Variants in SCN9A observed in about 807,000 individuals in gnomAD.
SCN9A encodes the protein sodium channel protein type 9 subunit alpha.
In SCN9A, 131 loss-of-function variants were observed where a neutral mutation model predicts 187.0. The ratio of observed to expected loss-of-function variants is 0.70; its 90% CI spans 0.61 to 0.81. SCN9A has a LOEUF of 0.81. SCN9A is among the 30% of genes least tolerant of loss of function. SCN9A has a pLI of 0.00. For missense variants in SCN9A, 2,252 were observed against 2,396.6 expected (o/e 0.94, Z 1.26); for synonymous variants, 809 against 808.6 (o/e 1.00, Z -0.01).
intron 1 of SCN9A, among the ~76,000 whole-genome samples, chr2:166,340,421 C>T (rs1016540839): frequency 6.6e-6 from 1 of 152,180 alleles, no homozygotes; most frequent in African/African-American, 2.4e-5. Context: ...TTTTAAAAAT[C>T]AGGCTTCTAA....
At chr2:166,221,818 G>A (rs946211491) in intron 24 of SCN9A, among the ~76,000 whole-genome samples, 6 of 152,064 alleles carry the variant, frequency 3.9e-5, no homozygotes, top group Admixed American at 3.3e-4. Flanking sequence ...ATAAACCCAT[G>A]CATAAATAGT....
In SCN9A at chr2:166,315,876, TTTTCA is replaced by T. The variant is rs112947029; in HGVS notation, c.-50-4075_-50-4071del. ...CTTCTGGATAAACAGGCCACAGGAG[TTTTCA>T]TTAGTCAGGCATTTAGTTTAAGATT... On this transcript the variant is annotated intron_variant, in intron 1 of 26. Coordinates refer to ENST00000642356, the MANE Select transcript of SCN9A (RefSeq NM_001365536.1). 3.5e-4 allele frequency among the ~76,000 whole-genome samples: 54 copies of T among 152,262 alleles called. 1 individual carries two copies. Among genetic ancestry groups the T allele is most frequent in the African/African-American group, 1.2e-3 (51 of 41,546 alleles).
rs753899025 is a variant in SCN9A, at chr2:166,204,352, T to A, written c.4503+8A>T. 4.4e-6 allele frequency: 7 copies of A among 1,595,496 alleles called. No individual in the cohort carries two copies. Among genetic ancestry groups the A allele is most frequent in the Middle Eastern group, 1.7e-4 (1 of 5,964 alleles). ...ATCTATATGCTAAAGATATATATAT[T>A]TTTTTACCCCTGGTCGAGGAATTGG... On this transcript the variant is annotated splice_region_variant and intron_variant, in intron 25 of 26. Coordinates refer to ENST00000642356, the MANE Select transcript of SCN9A (RefSeq NM_001365536.1).
intron 17 of SCN9A, among the ~76,000 whole-genome samples, chr2:166,263,095 G>T (rs1696583818): frequency 6.6e-6 from 1 of 151,908 alleles, no homozygotes. Flanking sequence ...AAGGTAAAGG[G>T]AGAGCCTGCA....
chr2:166,257,923 C>T (rs940628956), intron 17 of SCN9A, among the ~76,000 whole-genome samples: 1 of 151,422 alleles, frequency 6.6e-6, no homozygotes, highest in Non-Finnish European at 1.5e-5. Flanking sequence ...ATATCTTTTA[C>T]TTAGGCCACC....
At chr2:166,228,094 A>G (rs2106385800) in intron 22 of SCN9A, among the ~76,000 whole-genome samples, 1 of 152,202 alleles carries the variant, frequency 6.6e-6, no homozygotes, top group South Asian at 2.1e-4. Context: ...GTGAAGCAGG[A>G]AGTTCAAAAA....
At chr2:166,202,931 A>T (rs1693613452) in intron 26 of SCN9A, among the ~76,000 whole-genome samples, 1 of 151,680 alleles carries the variant, frequency 6.6e-6, no homozygotes, top group Admixed American at 6.6e-5. Flanking sequence ...CATTGTTTTT[A>T]TATATGTACC....
intron 21 of SCN9A, 114 bp downstream of exon 21, chr2:166,233,226 C>G (rs116398099): frequency 3.1e-6 from 2 of 651,968 alleles, no homozygotes; most frequent in East Asian, 6.7e-5. Context: ...CATACATAAA[C>G]AGCCTATGTA....
rs200025091 is a variant in SCN9A, at chr2:166,198,476, T to G, written c.*196A>C. ...AATTCCTACAGAGTTCTCTTACGAT[T>G]CTTAAAGAATCATCAGTGCAAAAAT... On this transcript the variant is annotated 3_prime_UTR_variant, in exon 27 of 27. Coordinates refer to ENST00000642356, the MANE Select transcript of SCN9A (RefSeq NM_001365536.1). 1 of 548,320 alleles carries G rather than the reference T, an allele frequency of 1.8e-6. No homozygotes were observed. 34.0% of individuals were successfully genotyped at this position (548,320 alleles called of 1,614,324 possible).
At chr2:166,256,035 C>A (rs1696258582) in intron 17 of SCN9A, among the ~76,000 whole-genome samples, 1 of 151,230 alleles carries the variant, frequency 6.6e-6, no homozygotes, top group South Asian at 2.1e-4. Context: ...AAGAAATCCA[C>A]ACATAGTTAC....
chr2:166,272,560 T>G lies in SCN9A; in HGVS notation c.3190A>C (p.Ser1064Arg). Reference protein sequence around the residue: ...KEKDKISGFGSSVDKHLMEDS... With the variant: ...KEKDKISGFGRSVDKHLMEDS... ...TCCATCAAGTGTTTGTCCACGCTGC[T>G]TCCAAAACCACTGATTTTATCTTTT... Residue 1064 changes from serine to arginine, a missense_variant, in exon 17 of 27, where the codon AGC (serine) becomes CGC (arginine). Ser to Arg is a moderately radical substitution (Grantham distance 110). This residue lies in a region of SCN9A where 313 missense variants were observed against 295.3 expected (regional missense o/e 1.06). Transcript: ENST00000642356. The G allele has an allele frequency of 6.2e-7, 1 of 1,613,554 alleles. No homozygotes were observed. The highest frequency in any genetic ancestry group is 8.5e-7 in the Non-Finnish European group (1 of 1,179,744).
intron 20 of SCN9A, among the ~76,000 whole-genome samples, chr2:166,235,465 G>A (rs745444331): frequency 2.6e-5 from 4 of 152,096 alleles, no homozygotes; most frequent in Admixed American, 6.6e-5. Flanking sequence ...AATAATATAA[G>A]TAGTTCTGAA....
At chr2:166,231,533 A>C (rs901061849) in intron 21 of SCN9A, among the ~76,000 whole-genome samples, 3 of 143,284 alleles carry the variant, frequency 2.1e-5, no homozygotes, top group African/African-American at 7.7e-5. Context: ...GTCTGGGGTG[A>C]GATCCAAGAA....
chr2:166,272,383 T>C lies in SCN9A; in HGVS notation c.3351+16A>G, dbSNP rs369823941. ...AATTGTTAATATGAAACACAAAGTA[T>C]ATGAAGCATTCTTACCACTTTGCTG... On this transcript the variant is annotated intron_variant, in intron 17 of 26. Transcript: ENST00000642356. 2.9e-5 allele frequency: 41 copies of C among 1,417,200 alleles called. No homozygotes were observed. Among genetic ancestry groups the C allele is most frequent in the Non-Finnish European group, 3.5e-5 (36 of 1,035,958 alleles). 87.8% of individuals were successfully genotyped at this position (1,417,200 alleles called of 1,614,324 possible).
intron 1 of SCN9A, among the ~76,000 whole-genome samples, chr2:166,370,235 A>AATAATCATC (rs1553507745): frequency 2.9e-5 from 4 of 137,180 alleles, no homozygotes; most frequent in East Asian, 2.1e-4. Flanking sequence ...TAATAATAAT[A>AATAATCATC]ATCATCATCA....
chr2:166,282,397 G>C (rs961285527), intron 12 of SCN9A, among the ~76,000 whole-genome samples: 4 of 152,182 alleles, frequency 2.6e-5, no homozygotes, highest in African/African-American at 9.7e-5. Flanking sequence ...GAGAATGCAA[G>C]CTACATCTGA....
At chr2:166,341,920 A>G (rs1296693804) in intron 1 of SCN9A, among the ~76,000 whole-genome samples, 2 of 152,200 alleles carry the variant, frequency 1.3e-5, no homozygotes, top group Non-Finnish European at 2.9e-5. Context: ...TTTTAACCTT[A>G]AGAATACTAG....
rs1693360658 is a variant in SCN9A at position 166,199,268 on chromosome 2, G to T, written c.5371C>A (p.Pro1791Thr). 10 of 1,614,098 alleles carry T rather than the reference G, an allele frequency of 6.2e-6. No homozygotes were observed. Among genetic ancestry groups the T allele is most frequent in the Non-Finnish European group, 7.6e-6 (9 of 1,180,032 alleles). ...AACTCTATAAACTGGGTCGCATCGGGATCAAACTTCTCCCAAACCTCATAG... is the reference window on the plus strand; with the variant it reads ...AACTCTATAAACTGGGTCGCATCGGTATCAAACTTCTCCCAAACCTCATAG... ...MFYEVWEKFD[P>T]DATQFIEFSK... Residue 1791 changes from proline to threonine, a missense_variant, in exon 27 of 27, where the codon CCC (proline) becomes ACC (threonine). Around this residue, in one of 7 missense-constraint regions of SCN9A, gnomAD observed 345 missense variants for 344.6 expected, o/e 1.00. Transcript: ENST00000642356.
chr2:166,306,144 G>A (rs1698749182), intron 4 of SCN9A, among the ~76,000 whole-genome samples: 1 of 152,002 alleles, frequency 6.6e-6, no homozygotes, highest in Non-Finnish European at 1.5e-5. Flanking sequence ...AAATAACTAA[G>A]AATATAGGTC....
Sources: gnomAD v4.1 joint callset for allele counts (sites outside exome capture counted in the v4.1 genomes callset) on GRCh38, gnomAD v4.1.1 for gene constraint, gnomAD v4.1.1 regional missense constraint, MANE v1.5 for transcripts, NCBI Gene and HGNC (gene_info 2026-07-23, HGNC 2026-07-21) for gene names.